Variants in ADGRB3 observed in about 807,000 individuals in gnomAD.
ADGRB3 encodes the protein brain-specific angiogenesis inhibitor 3.
Under a neutral mutation model 193.4 loss-of-function variants are expected in ADGRB3, and 37 were observed. The observed-to-expected ratio is 0.19, with a 90% CI of 0.15 to 0.25. ADGRB3 has a LOEUF of 0.25. Among genes scored for constraint, ADGRB3 ranks in the 10% least tolerant of loss-of-function variants. ADGRB3 has a pLI of 1.00. For missense variants in ADGRB3, 1,637 were observed against 1,852.9 expected, an observed-to-expected ratio of 0.88 and a Z score of 2.14; for synonymous variants, 690 against 644.2, an observed-to-expected ratio of 1.07 and a Z score of -1.08.
chr6:69,096,379 G>GTTTTTTTTTTTTTTTT (rs1772877435), intron 17 of ADGRB3, among the ~76,000 whole-genome samples: 1 of 68,858 alleles, frequency 1.5e-5, no homozygotes, highest in African/African-American at 5.8e-5. Flanking sequence ...TTTTTTTTTT[G>GTTTTTTTTTTTTTTTT]CTTATCTTTA....
intron 17 of ADGRB3, among the ~76,000 whole-genome samples, chr6:69,147,618 A>G (rs948720458): frequency 6.6e-6 from 1 of 152,162 alleles, no homozygotes; most frequent in African/African-American, 2.4e-5. Flanking sequence ...TGCATTCTGC[A>G]GCTGTTGGTT....
chr6:69,267,127 A>T (rs979824881), intron 20 of ADGRB3, among the ~76,000 whole-genome samples: 13 of 151,918 alleles, frequency 8.6e-5, no homozygotes, highest in Admixed American at 5.3e-4. Flanking sequence ...CTTTTTTTAA[A>T]TTTTTTTGTT....
chr6:68,920,121 G>GT (rs1200688816), intron 3 of ADGRB3, among the ~76,000 whole-genome samples: 1 of 152,138 alleles, frequency 6.6e-6, no homozygotes, highest in Non-Finnish European at 1.5e-5. Flanking sequence ...TAGATAGCTG[G>GT]TCCTTGTACT....
chr6:69,140,899 T>C (rs1476867371), intron 17 of ADGRB3, among the ~76,000 whole-genome samples: 2 of 152,096 alleles, frequency 1.3e-5, no homozygotes, highest in African/African-American at 4.8e-5. Context: ...AACAATCATT[T>C]AATAATAACC....
At chr6:68,988,491 G>A (rs1769141335) in intron 10 of ADGRB3, among the ~76,000 whole-genome samples, 1 of 152,098 alleles carries the variant, frequency 6.6e-6, no homozygotes, top group African/African-American at 2.4e-5. Context: ...TAATAGAACA[G>A]TGGGGTGAAC....
At chr6:69,244,188 A>T (rs1259992244) in intron 20 of ADGRB3, among the ~76,000 whole-genome samples, 1 of 152,024 alleles carries the variant, frequency 6.6e-6, no homozygotes, top group African/African-American at 2.4e-5. Flanking sequence ...CTCTGTCTTA[A>T]AGCACTTTTA....
At chr6:68,928,404 G>A (rs905951925) in intron 3 of ADGRB3, among the ~76,000 whole-genome samples, 2 of 152,058 alleles carry the variant, frequency 1.3e-5, no homozygotes, top group Non-Finnish European at 2.9e-5. Context: ...GGTGGATGGT[G>A]CTTGTTGTCT....
chr6:69,238,723 A>G (rs1312274673), intron 19 of ADGRB3, among the ~76,000 whole-genome samples: 1 of 151,930 alleles, frequency 6.6e-6, no homozygotes, highest in African/African-American at 2.4e-5. Flanking sequence ...TGGTTGATTC[A>G]TATGATAATG....
At chr6:69,260,160 C>T (rs578197689) in intron 20 of ADGRB3, among the ~76,000 whole-genome samples, 63 of 152,228 alleles carry the variant, frequency 4.1e-4, no homozygotes, top group African/African-American at 1.5e-3. Flanking sequence ...AACACATTAA[C>T]AGTCAATTTT....
intron 8 of ADGRB3, 137 bp from the exon 9 acceptor site, chr6:68,974,626 C>T (rs1342693420): frequency 1.1e-5 from 7 of 618,458 alleles, no homozygotes; most frequent in Non-Finnish European, 2.8e-6. Flanking sequence ...CAGAGTGAGA[C>T]CCCATCTCTA....
chr6:68,991,522 AT>A (rs1769236881), intron 10 of ADGRB3, among the ~76,000 whole-genome samples: 1 of 151,806 alleles, frequency 6.6e-6, no homozygotes, highest in Non-Finnish European at 1.5e-5. Flanking sequence ...AAGCATGTGA[AT>A]GCTTGTGGAA....
At chr6:69,005,810 A>G (rs531903618) in intron 11 of ADGRB3, among the ~76,000 whole-genome samples, 77 of 152,190 alleles carry the variant, frequency 5.1e-4, no homozygotes, top group Non-Finnish European at 8.8e-4. Context: ...ATGTCGCCCT[A>G]TCTTTTGTCT....
At chr6:68,650,623 T>C (rs1352283131) in intron 3 of ADGRB3, among the ~76,000 whole-genome samples, 1 of 152,152 alleles carries the variant, frequency 6.6e-6, no homozygotes, top group Non-Finnish European at 1.5e-5. Context: ...CAAGTTTCAT[T>C]TTGCCTGTTG....
chr6:68,990,415 AT>A (rs1562112673), intron 10 of ADGRB3, among the ~76,000 whole-genome samples: 5 of 152,138 alleles, frequency 3.3e-5, no homozygotes, highest in Non-Finnish European at 7.4e-5. Context: ...TTCACCTACA[AT>A]GCCAGGAAGG....
chr6:69,325,399 G>A (rs1317604531), intron 21 of ADGRB3, among the ~76,000 whole-genome samples: 2 of 152,026 alleles, frequency 1.3e-5, no homozygotes, highest in African/African-American at 4.8e-5. Flanking sequence ...AGAAAACTTA[G>A]AAGATTTCAT....
chr6:69,253,295 C>T (rs181719518), intron 20 of ADGRB3, among the ~76,000 whole-genome samples: 1 of 152,076 alleles, frequency 6.6e-6, no homozygotes, highest in East Asian at 1.9e-4. Flanking sequence ...AATCTAGGTT[C>T]TTTGGGTATT....
At chr6:68,981,988 C>T (rs1199300681) in intron 10 of ADGRB3, among the ~76,000 whole-genome samples, 3 of 151,836 alleles carry the variant, frequency 2.0e-5, no homozygotes, top group East Asian at 3.9e-4. Flanking sequence ...AGCGATCAAG[C>T]GATTCTCCTG....
intron 3 of ADGRB3, among the ~76,000 whole-genome samples, chr6:68,819,723 A>G (rs1767712492): frequency 6.6e-6 from 1 of 152,100 alleles, no homozygotes; most frequent in African/African-American, 2.4e-5. Context: ...GTTAAAATTG[A>G]TAAAAATAGA....
intron 17 of ADGRB3, among the ~76,000 whole-genome samples, chr6:69,147,806 T>TTA (rs1338326065): frequency 1.3e-5 from 2 of 152,206 alleles, no homozygotes; most frequent in South Asian, 2.1e-4. Context: ...AATATTTGTT[T>TTA]TATATATATG....
Sources: gnomAD v4.1 joint callset for allele counts (sites outside exome capture counted in the v4.1 genomes callset) on GRCh38, gnomAD v4.1.1 for gene constraint, MANE v1.5 for transcripts, NCBI Gene and HGNC (gene_info 2026-07-23, HGNC 2026-07-21) for gene names.